Variants in CCDC7 observed in about 807,000 individuals in gnomAD.
The protein encoded by CCDC7 is coiled-coil domain-containing protein 7.
CCDC7 carries 183 observed loss-of-function variants against 196.9 expected under a neutral mutation model. The ratio of observed to expected loss-of-function variants is 0.93; its 90% CI spans 0.82 to 1.05. The LOEUF (loss-of-function observed/expected upper bound fraction) is 1.05. Ranked by LOEUF, CCDC7 falls within the 50% of genes least tolerant of loss-of-function variation. The pLI is 0.00. For missense variants in CCDC7, 1,540 were observed against 1,482.2 expected, an observed-to-expected ratio of 1.04 and a Z score of -0.64; for synonymous variants, 525 against 484.6, an observed-to-expected ratio of 1.08 and a Z score of -1.10.
intron 21 of CCDC7, among the ~76,000 whole-genome samples, chr10:32,670,319 G>T (rs975613821): frequency 6.6e-5 from 10 of 151,786 alleles, no homozygotes. Flanking sequence ...TGATTTCGTT[G>T]TTTTTTATAG....
At chr10:32,625,419 A>G (rs564532927) in intron 18 of CCDC7, among the ~76,000 whole-genome samples, 115 of 151,672 alleles carry the variant, frequency 7.6e-4, no homozygotes, top group Non-Finnish European at 1.4e-3. Flanking sequence ...TACCATTACA[A>G]TACTGTTTAA....
At chr10:32,669,713 A>G (rs891388034) in intron 21 of CCDC7, among the ~76,000 whole-genome samples, 1 of 152,052 alleles carries the variant, frequency 6.6e-6, no homozygotes, top group Non-Finnish European at 1.5e-5. Flanking sequence ...TCTCTGTGTC[A>G]TCAGTTGTGA....
At chr10:32,532,462 A>G (rs1026101223) in intron 11 of CCDC7, among the ~76,000 whole-genome samples, 12 of 152,168 alleles carry the variant, frequency 7.9e-5, no homozygotes, top group Admixed American at 2.6e-4. Context: ...GATATGGTCT[A>G]TCCTGGAGAA....
At chr10:32,625,377 A>G (rs1366331547) in intron 18 of CCDC7, among the ~76,000 whole-genome samples, 1 of 151,556 alleles carries the variant, frequency 6.6e-6, no homozygotes, top group Non-Finnish European at 1.5e-5. Flanking sequence ...CTGTTTTATT[A>G]TTATTATTTT....
At chr10:32,694,835 G>A in intron 23 of CCDC7, 44 bp from the exon 25 acceptor site, 1 of 1,118,450 alleles carries the variant, frequency 8.9e-7, no homozygotes, top group African/African-American at 1.6e-5. Flanking sequence ...TTTCACAGTA[G>A]GTCTGTTTTT....
intron 28 of CCDC7, among the ~76,000 whole-genome samples, chr10:32,733,107 A>G (rs1055262293): frequency 1.2e-4 from 18 of 152,046 alleles, no homozygotes; most frequent in African/African-American, 4.3e-4. Context: ...TTTATTTTTA[A>G]TATGTTTTTA....
chr10:32,537,700 C>T (rs1395003818), intron 11 of CCDC7, among the ~76,000 whole-genome samples: 1 of 152,004 alleles, frequency 6.6e-6, no homozygotes, highest in African/African-American at 2.4e-5. Flanking sequence ...CAGTTTCAGT[C>T]TTCTGCATAT....
At chr10:32,556,994 C>A (rs923377600) in intron 13 of CCDC7, among the ~76,000 whole-genome samples, 1 of 152,164 alleles carries the variant, frequency 6.6e-6, no homozygotes, top group East Asian at 1.9e-4. Flanking sequence ...GTGTTGAAAT[C>A]GCTTGTGCAG....
chr10:32,576,368 A>G (rs2058190655), intron 16 of CCDC7, among the ~76,000 whole-genome samples: 1 of 151,874 alleles, frequency 6.6e-6, no homozygotes, highest in Non-Finnish European at 1.5e-5. Flanking sequence ...TCTACTCCCT[A>G]ACTTCTAGGT....
intron 29 of CCDC7, among the ~76,000 whole-genome samples, chr10:32,802,176 A>G (rs982066626): frequency 6.6e-5 from 10 of 152,170 alleles, no homozygotes; most frequent in African/African-American, 2.2e-4. Context: ...GAGCCGGGAG[A>G]TAGAATCCCT....
intron 18 of CCDC7, among the ~76,000 whole-genome samples, chr10:32,595,456 G>A (rs183810921): frequency 1.3e-5 from 2 of 151,568 alleles, no homozygotes; most frequent in East Asian, 1.9e-4. Context: ...TTAGTCTTGC[G>A]AGTGGTCTAT....
chr10:32,511,405 A>G, intron 9 of CCDC7: 1 of 1,609,750 alleles, frequency 6.2e-7, no homozygotes, highest in African/African-American at 1.3e-5. Flanking sequence ...TTGAAGCTGC[A>G]CCTCTGTCCA....
At chr10:32,652,328 T>C (rs1388861503) in intron 20 of CCDC7, among the ~76,000 whole-genome samples, 1 of 152,142 alleles carries the variant, frequency 6.6e-6, no homozygotes, top group African/African-American at 2.4e-5. Flanking sequence ...AGGTTTTCTA[T>C]AGGGCACATA....
At chr10:32,775,879 C>T (rs933680839) in intron 28 of CCDC7, among the ~76,000 whole-genome samples, 7 of 151,664 alleles carry the variant, frequency 4.6e-5, no homozygotes, top group African/African-American at 1.7e-4. Flanking sequence ...TTGGAACCAA[C>T]CCAAATGTCC....
intron 18 of CCDC7, among the ~76,000 whole-genome samples, chr10:32,601,581 G>T (rs2061007142): frequency 6.6e-6 from 1 of 152,132 alleles, no homozygotes; most frequent in Non-Finnish European, 1.5e-5. Context: ...TGGGGACTTG[G>T]AGAACTTTTC....
intron 11 of CCDC7, 54 bp downstream of exon 12, chr10:32,518,559 GT>G: frequency 7.2e-7 from 1 of 1,394,350 alleles, no homozygotes; most frequent in Non-Finnish European, 9.7e-7. Context: ...GGCTTATTAT[GT>G]TAGGATAGAA....
chr10:32,716,125 A>G (rs1291953213), intron 25 of CCDC7, among the ~76,000 whole-genome samples: 1 of 152,194 alleles, frequency 6.6e-6, no homozygotes, highest in South Asian at 2.1e-4. Flanking sequence ...GTTGAAATGA[A>G]GGAAAAAATG....
chr10:32,574,104 G>T (rs992134320), intron 16 of CCDC7, among the ~76,000 whole-genome samples: 2 of 151,892 alleles, frequency 1.3e-5, no homozygotes, highest in African/African-American at 2.4e-5. Context: ...GTGAGGAAAG[G>T]GTGTGCCAAG....
At chr10:32,587,088 A>G (rs1228094730) in intron 18 of CCDC7, among the ~76,000 whole-genome samples, 2 of 152,186 alleles carry the variant, frequency 1.3e-5, no homozygotes, top group Non-Finnish European at 2.9e-5. Flanking sequence ...TATCATTTTA[A>G]CCATCTTTAA....
Sources: gnomAD v4.1 joint callset for allele counts (sites outside exome capture counted in the v4.1 genomes callset) on GRCh38, gnomAD v4.1.1 for gene constraint, MANE v1.5 for transcripts, NCBI Gene and HGNC (gene_info 2026-07-23, HGNC 2026-07-21) for gene names.